The following IPO9 variants were observed in gnomAD, a reference collection of about 807,000 sequenced individuals.
IPO9 encodes the protein importin 9.
IPO9 carries 28 observed loss-of-function variants against 128.6 expected under a neutral mutation model. That is an observed-to-expected ratio of 0.22 (90% CI 0.16 to 0.30). The LOEUF is 0.30. Ranked by LOEUF, IPO9 falls within the 10% of genes least tolerant of loss-of-function variation. The pLI is 1.00. For synonymous variants in IPO9, 455 were observed against 475.8 expected, an observed-to-expected ratio of 0.96 and a Z score of 0.57; for missense variants, 935 against 1,293.9, an observed-to-expected ratio of 0.72 and a Z score of 4.26.
At position 201,848,526 on chromosome 1, in the gene IPO9, A is replaced by G. The variant is rs766228383; in HGVS notation, c.446A>G (p.Asn149Ser). ...CCTGAAGCTTGGCCCCAACTCTTCA[A>G]CCTGCTCATGGAGATGTTGGTGAGC... is the stretch of plus-strand genomic sequence containing the variant. Reference protein sequence around the residue: ...DWPEAWPQLFNLLMEMLVSGD... With the variant: ...DWPEAWPQLFSLLMEMLVSGD... The change falls in exon 4 of 24, where the codon AAC becomes AGC. Residue 149 changes from asparagine to serine, a missense_variant. Asn to Ser is a conservative substitution (Grantham distance 46, BLOSUM62 1). Transcript: ENST00000361565. 8.7e-6 allele frequency: 14 copies of G among 1,614,044 alleles called. No individual in the cohort carries two copies. The highest frequency in any genetic ancestry group is 2.2e-5 in the East Asian group (1 of 44,890).
In IPO9 at chr1:201,873,077, G is replaced by C. The variant is rs1025301652; in HGVS notation, c.2710+116G>C. The C allele has an allele frequency of 5.1e-6, 6 of 1,168,194 alleles. No individual in the cohort carries two copies. In the South Asian group the frequency reaches 5.8e-5, roughly 11 times the overall value. 72.4% of individuals were successfully genotyped at this position (1,168,194 alleles called of 1,614,324 possible). A position where few individuals can be genotyped will look rare whatever the true frequency, so the allele number is the denominator to read the frequency against. On this transcript the variant is annotated intron_variant, in intron 20 of 23. Transcript: ENST00000361565. ...TTTTTAAAACAATTGTTGGTGATGG[G>C]TTTGATAAAGAAGAAGCAGGAAACT...
At position 201,855,115 on chromosome 1, in the gene IPO9, T is replaced by A. The variant is rs201089128; in HGVS notation, c.912-9T>A. ...ACTCCAAATTCTATTTCTTTACTCT[T>A]CATCATACTTATGTGAGGACAGAAG... On this transcript the variant is annotated splice_polypyrimidine_tract_variant and intron_variant, in intron 8 of 23. Transcript: ENST00000361565. 2 of 1,566,342 alleles carry A rather than the reference T, an allele frequency of 1.3e-6. No individual in the cohort carries two copies. Among genetic ancestry groups the A allele is most frequent in the African/African-American group, 2.7e-5 (2 of 73,948 alleles).
At chr1:201,866,032 T>G (rs939837008) in intron 14 of IPO9, among the ~76,000 whole-genome samples, 1 of 152,260 alleles carries the variant, frequency 6.6e-6, no homozygotes, top group African/African-American at 2.4e-5. Flanking sequence ...TGAAAGAGGT[T>G]GGACTTTATT....
chr1:201,856,149 C>T (rs2678207), intron 10 of IPO9, among the ~76,000 whole-genome samples: 42,217 of 106,784 alleles, frequency 0.4, 6,530 homozygotes, highest in African/African-American at 0.42. Flanking sequence ...TTTTTTTTTT[C>T]CCAGCAAAGT....
intron 3 of IPO9, among the ~76,000 whole-genome samples, chr1:201,847,970 G>C (rs925863022): frequency 6.6e-6 from 1 of 152,188 alleles, no homozygotes; most frequent in African/African-American, 2.4e-5. Context: ...ACTTAGTGCA[G>C]TACTGTGCAG....
At chr1:201,846,000 C>T (rs774826933) in intron 1 of IPO9, among the ~76,000 whole-genome samples, 7 of 152,140 alleles carry the variant, frequency 4.6e-5, no homozygotes, top group East Asian at 1.9e-4. Context: ...CTCAGCTACT[C>T]GGGAGACTGA....
At chr1:201,833,270 G>C (rs1461252572) in intron 1 of IPO9, among the ~76,000 whole-genome samples, 1 of 149,282 alleles carries the variant, frequency 6.7e-6, no homozygotes, top group Non-Finnish European at 1.5e-5. Context: ...ACAGAGTCTC[G>C]CTCTGTCACC....
chr1:201,854,538 G>A (rs1680292650), intron 6 of IPO9, 57 bp from the exon 7 acceptor site: 1 of 1,599,890 alleles, frequency 6.3e-7, no homozygotes. Flanking sequence ...TGATATATAT[G>A]TGTTGAAGCC....
intron 20 of IPO9, 145 bp from the exon 21 acceptor site, chr1:201,874,105 A>T: frequency 1.3e-6 from 1 of 785,700 alleles, no homozygotes; most frequent in Non-Finnish European, 2.1e-6. Context: ...ACTTTAAGTC[A>T]CTCTTTGGAG....
intron 1 of IPO9, among the ~76,000 whole-genome samples, chr1:201,834,489 T>C (rs1679890677): frequency 6.6e-6 from 1 of 152,192 alleles, no homozygotes; most frequent in Non-Finnish European, 1.5e-5. Context: ...CTTTATTTTT[T>C]TATATCTTAA....
At position 201,853,825 on chromosome 1, in the gene IPO9, G is replaced by A. The variant is rs536078234; in HGVS notation, c.690+728G>A. Among the ~76,000 whole-genome samples the A allele has an allele frequency of 3.9e-4, 59 of 152,260 alleles. No homozygotes were observed. In the South Asian group the frequency reaches 7.7e-3, roughly 20 times the overall value. On this transcript the variant is annotated intron_variant, in intron 6 of 23. Coordinates refer to ENST00000361565, the MANE Select transcript of IPO9 (RefSeq NM_018085.5). ...GCAATCTCAGCTCACTGCAACGTCC[G>A]CCTCCCAGGTTCAAGTGATTCTTCT...
intron 5 of IPO9, among the ~76,000 whole-genome samples, chr1:201,852,759 A>C (rs1003154421): frequency 6.6e-6 from 1 of 152,142 alleles, no homozygotes; most frequent in Admixed American, 6.5e-5. Flanking sequence ...TTTTTAATCA[A>C]ATGAACCCAC....
chr1:201,870,507 T>C lies in IPO9; in HGVS notation c.2134-76T>C, dbSNP rs1680628692. 1.3e-6 allele frequency: 2 copies of C among 1,510,550 alleles called. No individual in the cohort carries two copies. Among genetic ancestry groups the C allele is most frequent in the Non-Finnish European group, 1.8e-6 (2 of 1,121,524 alleles). 93.6% of individuals were successfully genotyped at this position (1,510,550 alleles called of 1,614,324 possible). ...ATGAGGCATAGGCCTCTGGGAACAT[T>C]TGTTTATACAGACTGAGGGCCTTCT... On this transcript the variant is annotated intron_variant, in intron 17 of 23. Transcript: ENST00000361565. This position sits in a 1 kb window ranked among gnomAD's most constrained non-coding sequence, Gnocchi z 4.9.
chr1:201,830,479 AAT>A (rs1679814005), intron 1 of IPO9, among the ~76,000 whole-genome samples: 1 of 152,240 alleles, frequency 6.6e-6, no homozygotes, highest in South Asian at 2.1e-4. Flanking sequence ...TTCTGTTGGA[AAT>A]ATGTTAAGAT....
intron 1 of IPO9, among the ~76,000 whole-genome samples, chr1:201,843,689 G>A (rs765812960): frequency 2.0e-5 from 3 of 152,074 alleles, no homozygotes; most frequent in Admixed American, 6.6e-5. Context: ...TTAGCTGGGC[G>A]TGGTGGTACA....
chr1:201,858,994 GGTA>G lies in IPO9; in HGVS notation c.1468+1_1468+3del. The G allele has an allele frequency of 6.2e-7, 1 of 1,601,078 alleles. No homozygotes were observed. The highest frequency in any genetic ancestry group is 2.2e-5 in the East Asian group (1 of 44,468). On this transcript the variant is annotated splice_donor_variant and splice_donor_region_variant and intron_variant, in intron 13 of 23. Transcript: ENST00000361565. LOFTEE classifies it high-confidence loss of function. Reference sequence around the variant, plus strand: ...CATCCTTGCAGACCTCAACCTCTCAGGTATGTTTCAGCACGTGCCAGGATTCTA... The same window carrying G: ...CATCCTTGCAGACCTCAACCTCTCAGTGTTTCAGCACGTGCCAGGATTCTA...
chr1:201,875,060 C>G, intron 22 of IPO9, 92 bp from the exon 23 acceptor site: 1 of 1,387,356 alleles, frequency 7.2e-7, no homozygotes, highest in Non-Finnish European at 1.0e-6. Context: ...GCTTTTGCAC[C>G]TTCCGCCTCA....
chr1:201,857,584 T>G (rs1359554911), intron 11 of IPO9, among the ~76,000 whole-genome samples: 1 of 151,922 alleles, frequency 6.6e-6, no homozygotes, highest in Non-Finnish European at 1.5e-5. Context: ...TCACCTGAGG[T>G]CCAGAGTTCA....
Position 201,882,542 on chromosome 1 carries a change from C to G in IPO9, c.*6488C>G, listed in dbSNP as rs12138616. On this transcript the variant is annotated 3_prime_UTR_variant, in exon 24 of 24. Coordinates refer to ENST00000361565, the MANE Select transcript of IPO9 (RefSeq NM_018085.5). ...ATGACACTTACATTCCAGTTTTTTCCTTTTTTGAGTAACTGGGAAAAGGGT... is the reference window on the plus strand; with the variant it reads ...ATGACACTTACATTCCAGTTTTTTCGTTTTTTGAGTAACTGGGAAAAGGGT... 2 of 151,056 alleles carry G rather than the reference C, an allele frequency of 1.3e-5. No homozygotes were observed. Among genetic ancestry groups the G allele is most frequent in the Non-Finnish European group, 2.9e-5 (2 of 67,860 alleles). The allele number at this position is 151,056 out of a possible 1,614,324, so 9.4% of individuals were successfully genotyped here. A position where few individuals can be genotyped will look rare whatever the true frequency, so the allele number is the denominator to read the frequency against.
Sources: gnomAD v4.1 joint callset for allele counts (sites outside exome capture counted in the v4.1 genomes callset) on GRCh38, gnomAD v4.1.1 for gene constraint, Gnocchi (gnomAD v3.1) non-coding constraint, MANE v1.5 for transcripts, NCBI Gene and HGNC (gene_info 2026-07-23, HGNC 2026-07-21) for gene names.